The following ROBO2 variants were observed in gnomAD, a reference collection of about 807,000 sequenced individuals.
ROBO2 encodes the protein roundabout guidance receptor 2.
A neutral mutation model predicts 160.8 loss-of-function variants in ROBO2; 53 were observed. The ratio of observed to expected loss-of-function variants is 0.33; its 90% confidence interval spans 0.26 to 0.41. The LOEUF is 0.41. ROBO2 is among the 10% of genes least tolerant of loss of function. The probability of loss-of-function intolerance (pLI) is 1.00; values close to 1 mark genes in which losing one functional copy is unlikely to be tolerated. For synonymous variants in ROBO2, 664 were observed against 611.7 expected (o/e 1.09, Z -1.26); for missense variants, 1,577 against 1,722.4 (o/e 0.92, Z 1.49).
chr3:77,596,796 T>G (rs371871419), intron 19 of ROBO2, 46 bp downstream of exon 20: 11 of 22,246 alleles, frequency 4.9e-4, no homozygotes, highest in Non-Finnish European at 6.1e-4. Context: ...TCTCTCTCTC[T>G]TTTTTTTTTT....
At chr3:76,801,554 A>G (rs776670405) in intron 2 of ROBO2, among the ~76,000 whole-genome samples, 98 of 151,214 alleles carry the variant, frequency 6.5e-4, no homozygotes, top group Non-Finnish European at 1.3e-3. Flanking sequence ...ATATAAATAT[A>G]TATATACACT....
At chr3:77,556,962 A>G (rs1244937019) in intron 8 of ROBO2, among the ~76,000 whole-genome samples, 3 of 151,834 alleles carry the variant, frequency 2.0e-5, no homozygotes, top group Non-Finnish European at 4.4e-5. Flanking sequence ...CCTTTTGATT[A>G]TATGGTGATC....
At chr3:76,163,581 C>T (rs988520393) in intron 2 of ROBO2, among the ~76,000 whole-genome samples, 3 of 150,162 alleles carry the variant, frequency 2.0e-5, no homozygotes, top group African/African-American at 7.3e-5. Flanking sequence ...AGGCATTCAT[C>T]AGAAATATTG....
At chr3:77,480,533 C>T (rs1173241382) in intron 3 of ROBO2, among the ~76,000 whole-genome samples, 1 of 152,024 alleles carries the variant, frequency 6.6e-6, no homozygotes, top group Non-Finnish European at 1.5e-5. Flanking sequence ...TCCAACCTGC[C>T]ATTTTCTCCA....
intron 2 of ROBO2, among the ~76,000 whole-genome samples, chr3:76,988,483 G>C (rs2060502088): frequency 1.3e-5 from 2 of 152,182 alleles, no homozygotes; most frequent in Admixed American, 1.3e-4. Flanking sequence ...CTAGAAGAGA[G>C]TGCTCCTATT....
chr3:76,717,739 A>G (rs2093404865), intron 2 of ROBO2, among the ~76,000 whole-genome samples: 1 of 152,154 alleles, frequency 6.6e-6, no homozygotes, highest in African/African-American at 2.4e-5. Flanking sequence ...GAATCTCTAT[A>G]ATTTGCAATC....
At chr3:77,166,653 G>A (rs189225574) in intron 2 of ROBO2, among the ~76,000 whole-genome samples, 188 of 152,260 alleles carry the variant, frequency 1.2e-3, no homozygotes, top group Non-Finnish European at 2.1e-3. Flanking sequence ...CCACCTCCCG[G>A]GTTCCCGCCA....
chr3:76,484,280 T>C (rs181969654), intron 2 of ROBO2, among the ~76,000 whole-genome samples: 74 of 152,300 alleles, frequency 4.9e-4, no homozygotes, highest in South Asian at 2.1e-3. Context: ...GCTCTGAATA[T>C]TGGAGAGGGA....
At chr3:76,761,348 C>T (rs550202021) in intron 2 of ROBO2, among the ~76,000 whole-genome samples, 2 of 151,856 alleles carry the variant, frequency 1.3e-5, no homozygotes, top group African/African-American at 4.8e-5. Context: ...TTTACATCTC[C>T]TTGCATGCAG....
intron 2 of ROBO2, among the ~76,000 whole-genome samples, chr3:76,623,041 C>T (rs994499385): frequency 6.6e-6 from 1 of 152,044 alleles, no homozygotes; most frequent in African/African-American, 2.4e-5. Flanking sequence ...ACTCAAGAAC[C>T]AGTGAAGCAT....
intron 2 of ROBO2, among the ~76,000 whole-genome samples, chr3:76,398,021 T>C (rs550962249): frequency 8.5e-4 from 130 of 152,098 alleles, no homozygotes; most frequent in African/African-American, 2.7e-3. Context: ...AAGACACATG[T>C]ACACGTATGT....
At chr3:76,241,802 A>C (rs79970595) in intron 2 of ROBO2, among the ~76,000 whole-genome samples, 3,808 of 152,274 alleles carry the variant, frequency 0.025, 192 homozygotes, top group East Asian at 0.19. Flanking sequence ...GAAAAAATGT[A>C]CTGTCTGAAT....
chr3:76,447,233 A>T (rs1240108969), intron 2 of ROBO2, among the ~76,000 whole-genome samples: 1 of 152,224 alleles, frequency 6.6e-6, no homozygotes, highest in African/African-American at 2.4e-5. Flanking sequence ...CGGGTGAAGG[A>T]TATGAACAGA....
intron 2 of ROBO2, among the ~76,000 whole-genome samples, chr3:77,009,800 G>T (rs985529757): frequency 6.6e-6 from 1 of 151,904 alleles, no homozygotes; most frequent in African/African-American, 2.4e-5. Flanking sequence ...ACAAAAATTA[G>T]CTGGGTGTGG....
At chr3:77,577,137 G>C (rs1011181822) in intron 14 of ROBO2, among the ~76,000 whole-genome samples, 1 of 151,920 alleles carries the variant, frequency 6.6e-6, no homozygotes, top group Non-Finnish European at 1.5e-5. Flanking sequence ...GTAACCTTCT[G>C]TTTCCTCATC....
At position 76,486,837 on chromosome 3, in the gene ROBO2, T is replaced by A. The variant is rs545518330; in HGVS notation, c.109+549235T>A. Reference sequence around the variant, plus strand: ...GAGCAGACAGGGTGCAATTAAGGCCTATGAGGTTTCCTTTTTCAACATTTT... The same window carrying A: ...GAGCAGACAGGGTGCAATTAAGGCCAATGAGGTTTCCTTTTTCAACATTTT... On this transcript the variant is annotated intron_variant, in intron 2 of 26. Coordinates refer to the ROBO2 transcript ENST00000487694. Among the ~76,000 whole-genome samples, 7 of 152,310 alleles carry A rather than the reference T, an allele frequency of 4.6e-5. No homozygotes were observed. In the South Asian group the frequency reaches 1.4e-3, roughly 32 times the overall value.
intron 2 of ROBO2, among the ~76,000 whole-genome samples, chr3:76,329,561 G>A (rs1055835737): frequency 1.3e-5 from 2 of 152,122 alleles, no homozygotes; most frequent in Non-Finnish European, 2.9e-5. Flanking sequence ...ATTTCCTTCC[G>A]CTGGGGAATG....
intron 2 of ROBO2, among the ~76,000 whole-genome samples, chr3:76,314,926 T>C (rs986165337): frequency 3.3e-5 from 5 of 152,142 alleles, no homozygotes; most frequent in African/African-American, 9.7e-5. Context: ...ATTTCTGCTA[T>C]TGGAAATTAT....
intron 2 of ROBO2, among the ~76,000 whole-genome samples, chr3:77,017,109 T>C (rs942959760): frequency 3.3e-5 from 5 of 152,188 alleles, no homozygotes; most frequent in Admixed American, 3.3e-4. Flanking sequence ...GGAAGATCTT[T>C]ATTTTGTCTA....
Sources: gnomAD v4.1 joint callset for allele counts (sites outside exome capture counted in the v4.1 genomes callset) on GRCh38, gnomAD v4.1.1 for gene constraint, MANE v1.5 for transcripts, NCBI Gene and HGNC (gene_info 2026-07-23, HGNC 2026-07-21) for gene names.